ATAD2B: variants seen among roughly 807,000 people sequenced by gnomAD.
ATAD2B encodes the protein ATPase family AAA domain containing 2B.
ATAD2B carries 40 observed loss-of-function variants against 167.6 expected under a neutral mutation model. The ratio of observed to expected loss-of-function variants is 0.24; its 90% confidence interval spans 0.19 to 0.31. The LOEUF (loss-of-function observed/expected upper bound fraction) is 0.31. ATAD2B is among the 10% of genes least tolerant of loss of function. ATAD2B has a pLI of 1.00. For synonymous variants in ATAD2B, 579 were observed against 596.5 expected, an observed-to-expected ratio of 0.97 and a Z score of 0.43; for missense variants, 1,242 against 1,757.2, an observed-to-expected ratio of 0.71 and a Z score of 5.24.
At chr2:23,735,298 ATACT>A in the ATAD2B span, among the ~76,000 whole-genome samples, 5,957 of 152,280 alleles carry the variant, frequency 0.039, 112 homozygotes, top group Admixed American at 0.046. Context: ...TTTAAACTCA[ATACT>A]TACTTAGCAA....
chr2:23,859,195 C>T (rs954315818), intron 12 of ATAD2B, among the ~76,000 whole-genome samples: 29 of 152,250 alleles, frequency 1.9e-4, no homozygotes, highest in African/African-American at 7.0e-4. Context: ...AAGATGGATA[C>T]ATTATATATC....
intron 24 of ATAD2B, among the ~76,000 whole-genome samples, 174 bp downstream of exon 24, chr2:23,762,035 T>TA (rs774183006): frequency 8.5e-5 from 13 of 152,122 alleles, no homozygotes; most frequent in Non-Finnish European, 1.5e-4. Flanking sequence ...CAAATAAAGT[T>TA]AAAGAAATAT....
At position 23,800,576 on chromosome 2, in the gene ATAD2B, TTC is replaced by T. The variant is rs377273757; in HGVS notation, c.2455-2255_2455-2254del. ...GCTCTAAGAGTTGAGGTTTGTTTTT[TTC>T]TGTTTCTTTTTTTCCTCCAATTGTC... On this transcript the variant is annotated intron_variant, in intron 18 of 27. Coordinates refer to ENST00000238789, the MANE Select transcript of ATAD2B (RefSeq NM_017552.4). Among the ~76,000 whole-genome samples the T allele has an allele frequency of 4.0e-3, 608 of 152,300 alleles. 7 individuals carry two copies. The highest frequency in any genetic ancestry group is 0.012 in the African/African-American group (508 of 41,576).
intron 25 of ATAD2B, among the ~76,000 whole-genome samples, chr2:23,756,053 G>A (rs561898524): frequency 6.6e-6 from 1 of 152,026 alleles, no homozygotes; most frequent in East Asian, 1.9e-4. Context: ...GCCTTTTTCA[G>A]CACGCTTATG....
the ATAD2B span, among the ~76,000 whole-genome samples, chr2:23,739,992 C>G: frequency 2.0e-5 from 3 of 152,208 alleles, no homozygotes; most frequent in African/African-American, 7.2e-5. Context: ...CCTCCCAAGA[C>G]TAAACCAGGA....
chr2:23,799,260 T>G (rs1051641952), intron 18 of ATAD2B, among the ~76,000 whole-genome samples: 3 of 152,162 alleles, frequency 2.0e-5, no homozygotes, highest in African/African-American at 7.2e-5. Context: ...AATTAGCCTA[T>G]GTAATATACA....
the ATAD2B span, among the ~76,000 whole-genome samples, chr2:23,737,898 G>A: frequency 3.3e-5 from 5 of 152,158 alleles, no homozygotes; most frequent in Admixed American, 1.3e-4. Context: ...GCTACGTGAC[G>A]AATGCAGAAG....
chr2:23,906,072 C>T (rs961821865), intron 1 of ATAD2B, among the ~76,000 whole-genome samples: 1 of 152,100 alleles, frequency 6.6e-6, no homozygotes, highest in Admixed American at 6.5e-5. Context: ...TGCGGTGGCT[C>T]ACACCTGTAA....
At chr2:23,832,075 T>C in intron 14 of ATAD2B, 1 of 342,708 alleles carries the variant, frequency 2.9e-6, no homozygotes, top group Non-Finnish European at 6.0e-6. Context: ...TCATGATAAA[T>C]ACAATGACGA....
At chr2:23,682,821 G>C in the ATAD2B span, among the ~76,000 whole-genome samples, 1 of 152,076 alleles carries the variant, frequency 6.6e-6, no homozygotes, top group Non-Finnish European at 1.5e-5. The surrounding 1 kb of genome is among the most constrained non-coding windows in gnomAD (Gnocchi z 4.1). Context: ...GCCCCCTTCC[G>C]CACCCCTGGA....
chr2:23,892,567 G>A (rs1253877036), intron 2 of ATAD2B, among the ~76,000 whole-genome samples: 4 of 151,658 alleles, frequency 2.6e-5, no homozygotes, highest in African/African-American at 7.3e-5. Context: ...TGTCTCCCAG[G>A]TTCAAGCAAT....
the ATAD2B span, among the ~76,000 whole-genome samples, chr2:23,683,342 C>T: frequency 3.9e-5 from 6 of 152,234 alleles, no homozygotes; most frequent in Admixed American, 6.5e-5. Flanking sequence ...GGGCCTCTGA[C>T]GCGCAGCTGC....
At chr2:23,814,269 T>A (rs975980823) in intron 17 of ATAD2B, among the ~76,000 whole-genome samples, 5 of 152,210 alleles carry the variant, frequency 3.3e-5, no homozygotes, top group Non-Finnish European at 5.9e-5. Context: ...AAAATGTTTA[T>A]TTAATTATAT....
Position 23,880,754 on chromosome 2 carries a change from T to A in ATAD2B, c.786A>T (p.Glu262Asp). ...HEVSTEGEEE[E>D]SQEEDGDIEV... Reference sequence around the variant, plus strand: ...CTATATCTCCATCCTCCTCTTGAGATTCTAGTTTCCCACACACAAAAAGAA... The same window carrying A: ...CTATATCTCCATCCTCCTCTTGAGAATCTAGTTTCCCACACACAAAAAGAA... The change falls in exon 7 of 28, where the codon GAA becomes GAT. Residue 262 changes from glutamate (E) to aspartate (D), a missense_variant and splice_region_variant. Around this residue, in one of 9 missense-constraint regions of ATAD2B, gnomAD observed 99 missense variants for 160.4 expected, o/e 0.62. Coordinates refer to ENST00000238789, the MANE Select transcript of ATAD2B (RefSeq NM_017552.4). 1 of 1,562,518 alleles carries A rather than the reference T, an allele frequency of 6.4e-7. No homozygotes were observed. The highest frequency in any genetic ancestry group is 1.1e-5 in the South Asian group (1 of 88,584).
chr2:23,866,329 C>T (rs1177059419), intron 10 of ATAD2B, among the ~76,000 whole-genome samples: 5 of 152,052 alleles, frequency 3.3e-5, no homozygotes, highest in East Asian at 1.9e-4. Flanking sequence ...CGCTTGAACC[C>T]GGGAGGCGGA....
intron 8 of ATAD2B, among the ~76,000 whole-genome samples, chr2:23,870,665 A>AG (rs1695829454): frequency 6.6e-6 from 1 of 150,900 alleles, no homozygotes; most frequent in Non-Finnish European, 1.5e-5. Context: ...TCAGAAAAAA[A>AG]AAAGTTTGGT....
Position 23,888,500 on chromosome 2 carries a change from T to A in ATAD2B, c.369-101A>T, listed in dbSNP as rs1699013035. 5 of 768,698 alleles carry A rather than the reference T, an allele frequency of 6.5e-6. No homozygotes were observed. In the Admixed American group the frequency reaches 1.5e-4, roughly 23 times the overall value. The allele number at this position is 768,698 out of a possible 1,614,324, so 47.6% of individuals were successfully genotyped here. ...ATTATTTTAATCTTTAAAACTTTTT[T>A]AAAAGTAAAGATAACTTTTTTTACT... On this transcript the variant is annotated intron_variant, in intron 2 of 27. Transcript: ENST00000238789.
intron 1 of ATAD2B, chr2:23,900,789 A>G (rs1242702182): frequency 1.3e-5 from 2 of 152,246 alleles, no homozygotes; most frequent in Admixed American, 6.5e-5. Context: ...ATCTGATGAC[A>G]TGAAGGAGCA....
the ATAD2B span, among the ~76,000 whole-genome samples, chr2:23,679,623 T>G: frequency 1.4e-5 from 2 of 142,668 alleles, no homozygotes; most frequent in African/African-American, 2.5e-5. Context: ...TATATATATA[T>G]GTATGCCAGG....
Sources: gnomAD v4.1 joint callset for allele counts (sites outside exome capture counted in the v4.1 genomes callset) on GRCh38, gnomAD v4.1.1 for gene constraint, gnomAD v4.1.1 regional missense constraint, Gnocchi (gnomAD v3.1) non-coding constraint, MANE v1.5 for transcripts, NCBI Gene and HGNC (gene_info 2026-07-23, HGNC 2026-07-21) for gene names.